THSD4: variants seen among roughly 807,000 people sequenced by gnomAD.
THSD4 encodes thrombospondin type 1 domain containing 4, also known as thrombospondin type-1 domain-containing protein 4.
THSD4 carries 69 observed loss-of-function variants against 119.0 expected under a neutral mutation model. That is an observed-to-expected ratio of 0.58 (90% CI 0.48 to 0.71). The LOEUF is 0.71. Ranked by LOEUF, THSD4 falls within the 30% of genes least tolerant of loss-of-function variation. THSD4 has a pLI of 0.00. For missense variants in THSD4, 1,393 were observed against 1,391.1 expected (o/e 1.00, Z -0.02); for synonymous variants, 524 against 540.4 (o/e 0.97, Z 0.42).
chr15:71,606,079 T>C (rs776931229), intron 7 of THSD4, among the ~76,000 whole-genome samples: 3 of 152,240 alleles, frequency 2.0e-5, no homozygotes, highest in South Asian at 2.1e-4. Context: ...ATTTAGTGAT[T>C]TGGCATCACT....
At chr15:71,502,410 A>G (rs2048125299) in intron 7 of THSD4, among the ~76,000 whole-genome samples, 1 of 152,238 alleles carries the variant, frequency 6.6e-6, no homozygotes, top group Non-Finnish European at 1.5e-5. Context: ...CTTTTATGGT[A>G]GAAAACAATT....
At chr15:71,759,542 T>C (rs1471840696) in intron 15 of THSD4, among the ~76,000 whole-genome samples, 1 of 152,252 alleles carries the variant, frequency 6.6e-6, no homozygotes, top group Non-Finnish European at 1.5e-5. Context: ...CTATGTTTAT[T>C]TTTTCTGCCA....
At position 71,141,517 on chromosome 15, in the gene THSD4, C is replaced by A. The variant is rs768977230; in HGVS notation, c.-11C>A. The A allele has an allele frequency of 1.2e-6, 2 of 1,608,042 alleles. No homozygotes were observed. Among genetic ancestry groups the A allele is most frequent in the Admixed American group, 1.7e-5 (1 of 59,264 alleles). The stretch of plus-strand genomic sequence containing the variant: ...TGAAGAGCCCTTGCTTTTGCCTGGA[C>A]CCCCAGCATCATGGTTTCCCATTTC... On this transcript the variant is annotated 5_prime_UTR_variant, in exon 2 of 18. Transcript: ENST00000261862.
At chr15:71,225,917 T>G (rs897966635) in intron 4 of THSD4, among the ~76,000 whole-genome samples, 1 of 152,216 alleles carries the variant, frequency 6.6e-6, no homozygotes, top group Middle Eastern at 3.4e-3. Context: ...AACTCTTCAA[T>G]TCCCTCCATT....
chr15:71,264,978 T>C (rs1425234161), intron 6 of THSD4, among the ~76,000 whole-genome samples: 1 of 152,140 alleles, frequency 6.6e-6, no homozygotes, highest in African/African-American at 2.4e-5. Context: ...TCTAAGGAAC[T>C]AATTAAGATT....
chr15:71,355,720 T>G (rs999908175), intron 6 of THSD4, among the ~76,000 whole-genome samples: 2 of 152,086 alleles, frequency 1.3e-5, no homozygotes, highest in Admixed American at 6.5e-5. Flanking sequence ...AATTAATGGA[T>G]GCAAGGGGCC....
intron 3 of THSD4, among the ~76,000 whole-genome samples, chr15:71,193,555 T>C (rs2043691170): frequency 6.6e-6 from 1 of 152,078 alleles, no homozygotes; most frequent in Non-Finnish European, 1.5e-5. Context: ...GTTGGTGATA[T>C]GGTTTGGCCC....
chr15:71,662,223 T>C (rs1238625064), intron 8 of THSD4, among the ~76,000 whole-genome samples: 1 of 150,580 alleles, frequency 6.6e-6, no homozygotes, highest in Non-Finnish European at 1.5e-5. Context: ...AGCTCTTCCA[T>C]CCCCATCTAG....
rs576463618 is a variant in THSD4 at position 71,574,661 on chromosome 15, C to A, written c.1153-85869C>A. On this transcript the variant is annotated intron_variant, in intron 7 of 17. Transcript: ENST00000261862. ...ATCATGCTATGTGACCCTGAGCAGTCCGTTTGTCTGTCTGAGCCTCAGTTT... is the reference window on the plus strand; with the variant it reads ...ATCATGCTATGTGACCCTGAGCAGTACGTTTGTCTGTCTGAGCCTCAGTTT... Among the ~76,000 whole-genome samples the A allele has an allele frequency of 5.9e-5, 9 of 152,152 alleles. No homozygotes were observed. In the South Asian group the frequency reaches 1.9e-3, roughly 32 times the overall value.
chr15:71,149,039 C>CTTT (rs1269365382), intron 2 of THSD4, among the ~76,000 whole-genome samples: 2 of 138,988 alleles, frequency 1.4e-5, no homozygotes, highest in Non-Finnish European at 1.6e-5. Flanking sequence ...GCTGCCTTTA[C>CTTT]TTTTTTTTTT....
chr15:71,221,089 T>C (rs929953416), intron 4 of THSD4, among the ~76,000 whole-genome samples: 16 of 152,004 alleles, frequency 1.1e-4, no homozygotes, highest in African/African-American at 3.9e-4. Context: ...TTTAGGTGAG[T>C]CCTGCAAAGC....
At chr15:71,424,811 T>C (rs1388123227) in intron 7 of THSD4, among the ~76,000 whole-genome samples, 1 of 152,206 alleles carries the variant, frequency 6.6e-6, no homozygotes, top group Non-Finnish European at 1.5e-5. Context: ...GGGGTGTATG[T>C]ATTATTTTTG....
chr15:71,402,036 G>T (rs2140486354), intron 6 of THSD4, among the ~76,000 whole-genome samples: 1 of 151,530 alleles, frequency 6.6e-6, no homozygotes, highest in Non-Finnish European at 1.5e-5. Context: ...CTCACTCATA[G>T]GTGGGAATTG....
intron 6 of THSD4, among the ~76,000 whole-genome samples, chr15:71,326,700 A>ATATATATATATATATATAT (rs869113340): frequency 1.5e-4 from 1 of 6,452 alleles, no homozygotes; most frequent in Non-Finnish European, 3.6e-4. Context: ...AAAAAAAAAA[A>ATATATATATATATATATAT]ATATATATAT....
intron 7 of THSD4, among the ~76,000 whole-genome samples, chr15:71,581,007 T>C (rs576279323): frequency 6.6e-6 from 1 of 152,272 alleles, no homozygotes; most frequent in South Asian, 2.1e-4. Flanking sequence ...TTGTGAATAA[T>C]GCTGAAATGA....
intron 6 of THSD4, among the ~76,000 whole-genome samples, chr15:71,288,709 C>T (rs2044751253): frequency 6.6e-6 from 1 of 152,172 alleles, no homozygotes; most frequent in Admixed American, 6.5e-5. Context: ...TCTGTTTATT[C>T]AGTAAATTTC....
chr15:71,446,435 A>C (rs747574538), intron 7 of THSD4, among the ~76,000 whole-genome samples: 1 of 152,182 alleles, frequency 6.6e-6, no homozygotes. Flanking sequence ...TTAGTTCTAC[A>C]GTGTTGTTTT....
chr15:71,116,004 G>A (rs1345994488), intron 1 of THSD4, among the ~76,000 whole-genome samples: 1 of 152,182 alleles, frequency 6.6e-6, no homozygotes, highest in Non-Finnish European at 1.5e-5. Context: ...TAAACTCTAG[G>A]GACAATCCAC....
intron 7 of THSD4, among the ~76,000 whole-genome samples, chr15:71,416,092 T>G (rs2046756397): frequency 6.6e-6 from 1 of 152,216 alleles, no homozygotes. Context: ...CCACCTCGCC[T>G]GGCCCGAAGT....
Sources: gnomAD v4.1 joint callset for allele counts (sites outside exome capture counted in the v4.1 genomes callset) on GRCh38, gnomAD v4.1.1 for gene constraint, MANE v1.5 for transcripts, NCBI Gene and HGNC (gene_info 2026-07-23, HGNC 2026-07-21) for gene names.